The following AFF1 variants were observed in gnomAD, a reference collection of about 807,000 sequenced individuals.
AFF1 encodes the protein ALF transcription elongation factor 1.
AFF1 carries 48 observed loss-of-function variants against 121.7 expected under a neutral mutation model. That is an observed-to-expected ratio of 0.39 (90% confidence interval 0.31 to 0.50). The LOEUF (loss-of-function observed/expected upper bound fraction) is 0.50. AFF1 is among the 20% of genes least tolerant of loss of function. The probability of loss-of-function intolerance (pLI) is 0.76; values close to 1 mark genes in which losing one functional copy is unlikely to be tolerated. For synonymous variants in AFF1, 613 were observed against 563.0 expected (o/e 1.09, Z -1.26); for missense variants, 1,523 against 1,511.7 (o/e 1.01, Z -0.12).
chr4:87,134,449 T>C, intron 19 of AFF1, 22 bp from the exon 20 acceptor site: 1 of 1,561,484 alleles, frequency 6.4e-7, no homozygotes, highest in Non-Finnish European at 8.7e-7. Context: ...TGATCAGTTA[T>C]CTCTTCTCTT....
At chr4:86,944,491 C>G (rs570682572) in intron 1 of AFF1, among the ~76,000 whole-genome samples, 15 of 151,540 alleles carry the variant, frequency 9.9e-5, no homozygotes, top group African/African-American at 3.4e-4. Flanking sequence ...CTCAGGCACG[C>G]GCCATCACGC....
At chr4:87,090,685 TGA>T (rs1724210694) in intron 6 of AFF1, among the ~76,000 whole-genome samples, 5 of 151,910 alleles carry the variant, frequency 3.3e-5, no homozygotes, top group African/African-American at 9.7e-5. Context: ...ATTGAGAGAG[TGA>T]GAGAGCTATT....
chr4:86,990,444 C>T (rs1183532008), intron 2 of AFF1, among the ~76,000 whole-genome samples: 1 of 151,776 alleles, frequency 6.6e-6, no homozygotes, highest in Non-Finnish European at 1.5e-5. Context: ...GATATCAAAG[C>T]GGTGTGAAGA....
chr4:87,046,084 C>T, intron 2 of AFF1, 82 bp from the exon 3 acceptor site: 2 of 1,542,308 alleles, frequency 1.3e-6, no homozygotes, highest in Non-Finnish European at 8.8e-7. Flanking sequence ...CCTCACCTCC[C>T]TTCTCACATG....
chr4:87,097,722 A>ATG (rs1725009926), intron 8 of AFF1, among the ~76,000 whole-genome samples: 1 of 152,088 alleles, frequency 6.6e-6, no homozygotes, highest in Non-Finnish European at 1.5e-5. Flanking sequence ...CTTGGTGATT[A>ATG]TGTGGGGGGT....
chr4:87,046,202 A>G lies in AFF1; in HGVS notation c.75A>G (p.Arg25=), dbSNP rs781389698. 3 of 1,613,934 alleles carry G rather than the reference A, an allele frequency of 1.9e-6. No individual in the cohort carries two copies. The Admixed American group carries it at 5.0e-5, about 27-fold the overall frequency. ...ACGACAGAAACCTGCTTCGAATTAGAGAGAAGGAAAGACGCAACCAGGAAG... is the reference window on the plus strand; with the variant it reads ...ACGACAGAAACCTGCTTCGAATTAGGGAGAAGGAAAGACGCAACCAGGAAG... ...YNDDRNLLRI[R]EKERRNQEAH... is the part of the protein sequence containing the mutation. Residue 25 remains arginine (R), a synonymous_variant, in exon 3 of 21, where the codon AGA becomes AGG. Coordinates refer to ENST00000395146, the MANE Select transcript of AFF1 (RefSeq NM_001166693.3).
chr4:87,056,361 T>C (rs915904205), intron 4 of AFF1, among the ~76,000 whole-genome samples: 2 of 152,336 alleles, frequency 1.3e-5, no homozygotes, highest in Admixed American at 1.3e-4. Context: ...TTCTATGTTA[T>C]GTATATTTCT....
chr4:87,034,053 T>A (rs949237062), intron 2 of AFF1, among the ~76,000 whole-genome samples: 6 of 152,106 alleles, frequency 3.9e-5, no homozygotes, highest in Non-Finnish European at 8.8e-5. Context: ...GGCAGGATCA[T>A]TTTAGATGGG....
intron 4 of AFF1, among the ~76,000 whole-genome samples, chr4:87,052,581 T>C (rs556327985): frequency 6.6e-6 from 1 of 151,524 alleles, no homozygotes; most frequent in South Asian, 2.1e-4. Flanking sequence ...TTATTTGTGA[T>C]TGAAACCATT....
At chr4:87,104,817 C>T (rs989599408) in intron 8 of AFF1, among the ~76,000 whole-genome samples, 1 of 152,168 alleles carries the variant, frequency 6.6e-6, no homozygotes, top group South Asian at 2.1e-4. Context: ...TTAGGTTCAC[C>T]ATAAGCCAGA....
intron 2 of AFF1, among the ~76,000 whole-genome samples, chr4:87,012,622 G>T (rs1726893489): frequency 6.6e-6 from 1 of 152,152 alleles, no homozygotes; most frequent in African/African-American, 2.4e-5. Flanking sequence ...ATTTTATTAT[G>T]AATATAAAGT....
At chr4:87,059,028 T>TTAA (rs1265691139) in intron 4 of AFF1, among the ~76,000 whole-genome samples, 1 of 152,222 alleles carries the variant, frequency 6.6e-6, no homozygotes, top group East Asian at 1.9e-4. Context: ...TGTACGTGCC[T>TTAA]TAATCTCCTT....
At chr4:86,999,881 A>G (rs571071226) in intron 2 of AFF1, among the ~76,000 whole-genome samples, 1 of 152,264 alleles carries the variant, frequency 6.6e-6, no homozygotes, top group South Asian at 2.1e-4. Flanking sequence ...GAAGAAACCA[A>G]TGTATTGGGA....
chr4:87,066,042 A>G (rs1026293791), intron 4 of AFF1, among the ~76,000 whole-genome samples: 2 of 152,230 alleles, frequency 1.3e-5, no homozygotes, highest in African/African-American at 4.8e-5. Flanking sequence ...GGTGAAGATG[A>G]CACAGGGTTC....
At chr4:86,936,829 G>A (rs1420378071) in intron 1 of AFF1, among the ~76,000 whole-genome samples, 4 of 152,186 alleles carry the variant, frequency 2.6e-5, no homozygotes, top group Non-Finnish European at 4.4e-5. Context: ...ATGGAGAAAA[G>A]CAGTGGTGAG....
chr4:87,132,397 A>G lies in AFF1; in HGVS notation c.3300A>G (p.Pro1100=), dbSNP rs199981601. The change falls in exon 19 of 21, where the codon CCA becomes CCG. Residue 1100 remains proline, a synonymous_variant. Transcript: ENST00000395146. ...SSSKVAQAPS[P]CIARSTGTPS... ...CCAAAGTCGCCCAGGCACCTTCTCC[A>G]TGCATTGCAAGGTAACTCTAAGTCT... 2.8e-4 allele frequency: 447 copies of G among 1,610,708 alleles called. 1 individual carries two copies. Among genetic ancestry groups the G allele is most frequent in the Non-Finnish European group, 3.5e-4 (410 of 1,179,064 alleles).
chr4:86,957,519 A>G (rs1360826474), intron 2 of AFF1, among the ~76,000 whole-genome samples: 2 of 152,080 alleles, frequency 1.3e-5, no homozygotes, highest in East Asian at 3.9e-4. Context: ...TGCTGGGGCA[A>G]CTAGTTCATT....
At chr4:86,973,139 TGCTGCACGGAGGCAGTGAAGGGTG>T (rs1286036357) in intron 2 of AFF1, among the ~76,000 whole-genome samples, 1 of 152,176 alleles carries the variant, frequency 6.6e-6, no homozygotes, top group Non-Finnish European at 1.5e-5. Context: ...TGGAGTGCAC[TGCTGCACGGAGGCAGTGAAGGGTG>T]GGGGAAGATT....
chr4:87,014,319 G>A (rs1257319956), intron 2 of AFF1, among the ~76,000 whole-genome samples: 2 of 152,192 alleles, frequency 1.3e-5, no homozygotes, highest in African/African-American at 4.8e-5. Context: ...TTACCAGGTG[G>A]CAGTTGTTTT....
Sources: gnomAD v4.1 joint callset for allele counts (sites outside exome capture counted in the v4.1 genomes callset) on GRCh38, gnomAD v4.1.1 for gene constraint, MANE v1.5 for transcripts, NCBI Gene and HGNC (gene_info 2026-07-23, HGNC 2026-07-21) for gene names.